Variants in RAD18 observed in about 807,000 individuals in gnomAD.
RAD18 encodes the protein RAD18 E3 ubiquitin protein ligase, also known as E3 ubiquitin-protein ligase RAD18.
A neutral mutation model predicts 60.4 loss-of-function variants in RAD18; 47 were observed. The observed-to-expected ratio is 0.78, with a 90% CI of 0.62 to 0.99. RAD18 has a LOEUF of 0.99. Among genes scored for constraint, RAD18 ranks in the 50% least tolerant of loss-of-function variants. RAD18 has a pLI of 0.00. For synonymous variants in RAD18, 225 were observed against 195.5 expected (o/e 1.15, Z -1.26); for missense variants, 640 against 593.3 (o/e 1.08, Z -0.82).
intron 12 of RAD18, among the ~76,000 whole-genome samples, chr3:8,888,122 G>A (rs9845029): frequency 0.056 from 8,557 of 152,226 alleles, 800 homozygotes; most frequent in African/African-American, 0.19. Flanking sequence ...CAGGGTTCTA[G>A]CCTAAAGCAC....
At chr3:8,898,555 G>A (rs1427878179) in intron 11 of RAD18, among the ~76,000 whole-genome samples, 2 of 151,986 alleles carry the variant, frequency 1.3e-5, no homozygotes, top group African/African-American at 4.8e-5. Context: ...ATGTCTTTCT[G>A]ATCATTTCTG....
At chr3:8,943,545 G>T in intron 4 of RAD18, among the ~76,000 whole-genome samples, 1 of 151,704 alleles carries the variant, frequency 6.6e-6, no homozygotes, top group East Asian at 1.9e-4. Context: ...ACACAAAAAA[G>T]TATGAGATAT....
chr3:8,934,507 T>C (rs34463332), intron 7 of RAD18, among the ~76,000 whole-genome samples: 24,924 of 152,134 alleles, frequency 0.16, 2,719 homozygotes, highest in Non-Finnish European at 0.24. Flanking sequence ...TATAAGTCAT[T>C]AAGGAAATGC....
chr3:8,933,195 TA>T (rs1317720064), intron 7 of RAD18, among the ~76,000 whole-genome samples: 1 of 152,136 alleles, frequency 6.6e-6, no homozygotes, highest in African/African-American at 2.4e-5. Flanking sequence ...AAGTGACAGA[TA>T]CCATATGTAA....
At chr3:8,926,557 A>G (rs1202102141) in intron 7 of RAD18, among the ~76,000 whole-genome samples, 2 of 152,202 alleles carry the variant, frequency 1.3e-5, no homozygotes, top group Non-Finnish European at 2.9e-5. Flanking sequence ...GGAAAAAACT[A>G]CTTTAAAGTT....
Position 8,941,544 on chromosome 3 carries a change from T to C in RAD18, c.527A>G (p.Glu176Gly), listed in dbSNP as rs765690426. The C allele has an allele frequency of 6.2e-7, 1 of 1,614,154 alleles. No individual in the cohort carries two copies. Among genetic ancestry groups the C allele is most frequent in the South Asian group, 1.1e-5 (1 of 91,088 alleles). The change falls in exon 5 of 13, where the codon GAA becomes GGA. Residue 176 changes from glutamate (E) to glycine (G), a missense_variant. Physicochemically the swap from Glu to Gly is moderately conservative, Grantham distance 98. Transcript: ENST00000264926. ...CTCTGAGGGATCTGGAGCGATCTCTTCTACAGAACGTGTCTCTTTGGTCTT... is the reference window on the plus strand; with the variant it reads ...CTCTGAGGGATCTGGAGCGATCTCTCCTACAGAACGTGTCTCTTTGGTCTT... ...AAKTKETRSV[E>G]EIAPDPSEAK...
intron 2 of RAD18, among the ~76,000 whole-genome samples, chr3:8,951,477 G>A (rs1940923846): frequency 6.6e-6 from 1 of 152,176 alleles, no homozygotes. Flanking sequence ...TCCCTTGCAA[G>A]AAATGCTAAA....
intron 6 of RAD18, among the ~76,000 whole-genome samples, chr3:8,937,856 T>C (rs900962356): frequency 2.0e-5 from 3 of 152,192 alleles, no homozygotes; most frequent in African/African-American, 4.8e-5. Context: ...GGCAGGACTA[T>C]AGTGTTCTTT....
At chr3:8,915,863 G>A (rs942889294) in intron 7 of RAD18, among the ~76,000 whole-genome samples, 11 of 152,100 alleles carry the variant, frequency 7.2e-5, no homozygotes, top group African/African-American at 2.7e-4. Context: ...GATTACAGGC[G>A]TGAGCCACCG....
At chr3:8,936,632 A>G (rs1187153929) in intron 6 of RAD18, among the ~76,000 whole-genome samples, 1 of 152,228 alleles carries the variant, frequency 6.6e-6, no homozygotes, top group Non-Finnish European at 1.5e-5. Flanking sequence ...ATCATTTCAA[A>G]ATAAGAATAG....
rs1313725786 is a variant in RAD18 at position 8,958,965 on chromosome 3, C to T, written c.88G>A (p.Glu30Lys). ...DDLLRCGICFEYFNIAMIIPQ... is the reference protein window; with the variant it reads ...DDLLRCGICFKYFNIAMIIPQ... The stretch of plus-strand genomic sequence containing the variant: ...ATTATCATTGCAATGTTGAAATACT[C>T]GAAGCAAATTCCACACCGCAGCAAA... The change falls in exon 2 of 13, where the codon GAG becomes AAG. Residue 30 changes from glutamate to lysine, a missense_variant. Transcript: ENST00000264926. 5.0e-6 allele frequency: 8 copies of T among 1,613,762 alleles called. No individual in the cohort carries two copies. The highest frequency in any genetic ancestry group is 3.3e-5 in the Admixed American group (2 of 60,016).
At chr3:8,911,369 C>A (rs1481914860) in intron 9 of RAD18, among the ~76,000 whole-genome samples, 1 of 152,108 alleles carries the variant, frequency 6.6e-6, no homozygotes, top group Non-Finnish European at 1.5e-5. Flanking sequence ...CCTTAGTGAT[C>A]CTTATTTTTC....
chr3:8,879,872 AAAGT>A lies in RAD18; in HGVS notation c.*1481_*1484del, dbSNP rs1308630087. On this transcript the variant is annotated 3_prime_UTR_variant, in exon 13 of 13. Coordinates refer to ENST00000264926, the MANE Select transcript of RAD18 (RefSeq NM_020165.4). ...CTCACAAACTCCTTTTGCTGCAATT[AAAGT>A]AATAATTACTTCCAGTTTAATTTAT... 6.6e-6 allele frequency: 1 copy of A among 152,248 alleles called. No individual in the cohort carries two copies. Among genetic ancestry groups the A allele is most frequent in the Non-Finnish European group, 1.5e-5 (1 of 68,040 alleles). The allele number at this position is 152,248 out of a possible 1,614,324, so 9.4% of individuals were successfully genotyped here.
intron 4 of RAD18, chr3:8,946,983 C>G (rs897217173): frequency 2.6e-6 from 1 of 383,224 alleles, no homozygotes; most frequent in Non-Finnish European, 4.6e-6. Context: ...GTAAGGAAGT[C>G]CTCAAATCTG....
At position 8,898,901 on chromosome 3, in the gene RAD18, A is replaced by C; in HGVS notation, c.1315T>G (p.Cys439Gly). ...CTACTGCATGTTTCTTACCTATTGCATGAATCTGATTCTGATGAAGAAAGA... is the reference window on the plus strand; with the variant it reads ...CTACTGCATGTTTCTTACCTATTGCCTGAATCTGATTCTGATGAAGAAAGA... The part of the protein sequence containing the change: ...EVLSSSESDS[C>G]NSSSSDIIRD... The change falls in exon 11 of 13, where the codon TGC (cysteine) becomes GGC (glycine). Residue 439 changes from cysteine (C) to glycine (G), a missense_variant. Transcript: ENST00000264926. 1 of 1,586,310 alleles carries C rather than the reference A, an allele frequency of 6.3e-7. No homozygotes were observed. The highest frequency in any genetic ancestry group is 8.6e-7 in the Non-Finnish European group (1 of 1,165,700).
At chr3:8,915,566 C>T (rs1303890872) in intron 7 of RAD18, among the ~76,000 whole-genome samples, 1 of 151,888 alleles carries the variant, frequency 6.6e-6, no homozygotes, top group Non-Finnish European at 1.5e-5. Context: ...GGCATCACAT[C>T]CATTTGCAGG....
intron 7 of RAD18, among the ~76,000 whole-genome samples, chr3:8,920,102 G>A (rs1940288545): frequency 6.6e-6 from 1 of 152,062 alleles, no homozygotes; most frequent in South Asian, 2.1e-4. Context: ...CTAACACGGT[G>A]AAATGCCATC....
chr3:8,926,712 T>G (rs561291072), intron 7 of RAD18, among the ~76,000 whole-genome samples: 354 of 152,170 alleles, frequency 2.3e-3, no homozygotes, highest in African/African-American at 8.2e-3. Flanking sequence ...AAAACAGAGA[T>G]ATAGACCAAT....
At chr3:8,936,887 G>C (rs1443311110) in intron 6 of RAD18, among the ~76,000 whole-genome samples, 1 of 152,154 alleles carries the variant, frequency 6.6e-6, no homozygotes, top group South Asian at 2.1e-4. Context: ...AGGTTCTCCA[G>C]AGTAAATCTG....
Sources: gnomAD v4.1 joint callset for allele counts (sites outside exome capture counted in the v4.1 genomes callset) on GRCh38, gnomAD v4.1.1 for gene constraint, MANE v1.5 for transcripts, NCBI Gene and HGNC (gene_info 2026-07-23, HGNC 2026-07-21) for gene names.